The following GML variants were observed in gnomAD, a reference collection of about 807,000 sequenced individuals.
The protein encoded by GML is glycosyl-phosphatidylinositol-anchored molecule-like protein.
A neutral mutation model predicts 8.2 loss-of-function variants in GML; 5 were observed. The ratio of observed to expected loss-of-function variants is 0.61; its 90% CI spans 0.32 to 1.28. GML has a LOEUF of 1.28. GML is among the 50% of genes most tolerant of loss of function. The probability of loss-of-function intolerance (pLI) is 0.06; values close to 1 mark genes in which losing one functional copy is unlikely to be tolerated. For missense variants in GML, 191 were observed against 198.3 expected (o/e 0.96, Z 0.22); for synonymous variants, 72 against 69.0 (o/e 1.04, Z -0.22).
At chr8:142,840,642 G>T in intron 2 of GML, 132 bp downstream of exon 2, 1 of 685,718 alleles carries the variant, frequency 1.5e-6, no homozygotes, top group Admixed American at 2.1e-5. Flanking sequence ...TGTGTAATCA[G>T]GGGTGGGCAC....
At chr8:142,844,701 C>A (rs1039273821) in intron 3 of GML, among the ~76,000 whole-genome samples, 5 of 152,138 alleles carry the variant, frequency 3.3e-5, no homozygotes, top group Admixed American at 2.0e-4. Flanking sequence ...AAAAGTTGTT[C>A]ACTGTCGTTC....
chr8:142,835,775 G>T (rs1477866272), intron 1 of GML, among the ~76,000 whole-genome samples: 1 of 152,120 alleles, frequency 6.6e-6, no homozygotes, highest in Non-Finnish European at 1.5e-5. Context: ...AACTGCATTC[G>T]GCTCTGAAGT....
intron 2 of GML, among the ~76,000 whole-genome samples, chr8:142,840,819 T>C (rs942168318): frequency 2.0e-5 from 3 of 152,136 alleles, no homozygotes; most frequent in Non-Finnish European, 4.4e-5. Context: ...GAGTATCCAG[T>C]CTTCCTTGGC....
Position 142,841,113 on chromosome 8 carries a change from C to A in GML, c.74-5C>A, listed in dbSNP as rs1816426125. The A allele has an allele frequency of 4.9e-6, 7 of 1,418,644 alleles. No homozygotes were observed. Among genetic ancestry groups the A allele is most frequent in the Non-Finnish European group, 7.0e-6 (7 of 1,001,848 alleles). The allele number at this position is 1,418,644 out of a possible 1,614,324, so 87.9% of individuals were successfully genotyped here. On this transcript the variant is annotated splice_region_variant and splice_polypyrimidine_tract_variant and intron_variant, in intron 2 of 3. Transcript: ENST00000220940. ...AAGCCTGAAGCCTGCTTTCTCCCCT[C>A]TCAGGGACTTACAGTTTGAGATGCC...
chr8:142,846,076 A>G (rs55859778), intron 3 of GML, among the ~76,000 whole-genome samples: 12,593 of 152,266 alleles, frequency 0.083, 1,040 homozygotes, highest in African/African-American at 0.21. Flanking sequence ...AATTCTTACC[A>G]TAAGAAATGA....
At chr8:142,836,974 G>A (rs1166325953) in intron 1 of GML, among the ~76,000 whole-genome samples, 1 of 152,154 alleles carries the variant, frequency 6.6e-6, no homozygotes, top group Non-Finnish European at 1.5e-5. Flanking sequence ...TAGACGGGCT[G>A]GCATTCAGTA....
At chr8:142,835,284 C>T (rs113714013) in intron 1 of GML, among the ~76,000 whole-genome samples, 5 of 151,388 alleles carry the variant, frequency 3.3e-5, no homozygotes, top group East Asian at 2.0e-4. Context: ...TTCCCTGGGG[C>T]CCCCCTCCCC....
chr8:142,842,170 T>G (rs1324650709), intron 3 of GML, among the ~76,000 whole-genome samples: 2 of 152,214 alleles, frequency 1.3e-5, no homozygotes, highest in Non-Finnish European at 2.9e-5. Context: ...TCCCCGGCAC[T>G]TCTCCTTCCT....
chr8:142,837,127 C>T (rs1465336002), intron 1 of GML, among the ~76,000 whole-genome samples: 1 of 151,704 alleles, frequency 6.6e-6, no homozygotes, highest in Non-Finnish European at 1.5e-5. Context: ...AACCCCGTCT[C>T]TACTAAAAAT....
Position 142,841,230 on chromosome 8 carries a change from G to T in GML, c.181+5G>T. ...GCTGTATGACAATCTCCATTCGTAA[G>T]TACCTCTTTGTCATTTTGACACATT... is the stretch of plus-strand genomic sequence containing the variant. On this transcript the variant is annotated splice_donor_5th_base_variant and intron_variant, in intron 3 of 3. Transcript: ENST00000220940. The T allele has an allele frequency of 7.7e-7, 1 of 1,301,620 alleles. No homozygotes were observed. The highest frequency in any genetic ancestry group is 1.1e-6 in the Non-Finnish European group (1 of 895,876). 80.6% of individuals were successfully genotyped at this position (1,301,620 alleles called of 1,614,324 possible).
chr8:142,840,258 C>A (rs915896330), intron 1 of GML, among the ~76,000 whole-genome samples, 158 bp from the exon 2 acceptor site: 10 of 152,156 alleles, frequency 6.6e-5, no homozygotes, highest in Middle Eastern at 3.2e-3. Flanking sequence ...GAGACCTGCC[C>A]GACCCCAGTG....
Position 142,835,193 on chromosome 8 carries a change from G to A in GML, c.-23+325G>A, listed in dbSNP as rs371095688. On this transcript the variant is annotated intron_variant, in intron 1 of 3. Coordinates refer to ENST00000220940, the MANE Select transcript of GML (RefSeq NM_002066.3). ...TCAGGGGTACTGGGGGACCTCTCGA[G>A]CTCCACTCCCATCAGGGTCCCAGGG... 3.6e-5 allele frequency among the ~76,000 whole-genome samples: 5 copies of A among 138,030 alleles called. No individual in the cohort carries two copies. The East Asian group carries it at 7.6e-4, about 21-fold the overall frequency. 90.6% of individuals were successfully genotyped at this position (138,030 alleles called of 152,430 possible).
At chr8:142,842,406 G>A (rs1217982708) in intron 3 of GML, among the ~76,000 whole-genome samples, 1 of 152,188 alleles carries the variant, frequency 6.6e-6, no homozygotes, top group Non-Finnish European at 1.5e-5. Context: ...TCTGGGCTTT[G>A]TCTCCACAGT....
Position 142,841,714 on chromosome 8 carries a change from C to G in GML, c.181+489C>G, listed in dbSNP as rs143774106. On this transcript the variant is annotated intron_variant, in intron 3 of 3. Transcript: ENST00000220940. The stretch of plus-strand genomic sequence containing the variant: ...GCACAGCCTGCACTTCCAGGATGCT[C>G]TTGCTTTTTCCTCAGAGCCCTCTGG... Among the ~76,000 whole-genome samples the G allele has an allele frequency of 1.7e-4, 26 of 152,332 alleles. 1 individual carries two copies. The East Asian group carries it at 4.8e-3, about 28-fold the overall frequency.
At chr8:142,846,287 G>T in intron 3 of GML, 108 bp from the exon 4 acceptor site, 1 of 694,626 alleles carries the variant, frequency 1.4e-6, no homozygotes, top group Non-Finnish European at 2.5e-6. Flanking sequence ...TGGGAGTGTA[G>T]AATGTGTACA....
chr8:142,839,142 G>A (rs144049001), intron 1 of GML, among the ~76,000 whole-genome samples: 90 of 152,260 alleles, frequency 5.9e-4, no homozygotes, highest in African/African-American at 2.0e-3. Context: ...AAGCAGGCAC[G>A]ACAGAGTGGA....
In GML at chr8:142,846,817, G is replaced by T. The variant is rs2078674; in HGVS notation, c.*127G>T. Reference sequence around the variant, plus strand: ...CTAGGTGGCCCATTTATGGTTTGTTGTAAGAGAAAAATTAAAAAAATATTG... The same window carrying T: ...CTAGGTGGCCCATTTATGGTTTGTTTTAAGAGAAAAATTAAAAAAATATTG... On this transcript the variant is annotated 3_prime_UTR_variant, in exon 4 of 4. Coordinates refer to ENST00000220940, the MANE Select transcript of GML (RefSeq NM_002066.3). The T allele has an allele frequency of 0.52, 348,455 of 673,208 alleles. 93,821 individuals are homozygous for T. The highest frequency in any genetic ancestry group is 0.84 in the East Asian group (31,427 of 37,426). The allele number at this position is 673,208 out of a possible 1,614,324, so 41.7% of individuals were successfully genotyped here.
At chr8:142,840,609 CGTT>C in intron 2 of GML, 99 bp downstream of exon 2, 2 of 840,424 alleles carry the variant, frequency 2.4e-6, no homozygotes, top group Non-Finnish European at 4.1e-6. Flanking sequence ...AGCAAGCCTC[CGTT>C]AGCTGGGGCC....
At chr8:142,838,194 A>G (rs1259104966) in intron 1 of GML, among the ~76,000 whole-genome samples, 2 of 151,628 alleles carry the variant, frequency 1.3e-5, no homozygotes, top group Non-Finnish European at 2.9e-5. Flanking sequence ...AGCAGCCACA[A>G]CCTACTGCAT....
Sources: allele counts gnomAD v4.1 joint callset (sites outside exome capture counted in the v4.1 genomes callset), GRCh38; gene constraint gnomAD v4.1.1; transcripts MANE v1.5; gene names NCBI Gene and HGNC (gene_info 2026-07-23, HGNC 2026-07-21).